NUP43: variants seen among roughly 807,000 people sequenced by gnomAD.
The protein encoded by NUP43 is nucleoporin Nup43.
Under a neutral mutation model 47.3 loss-of-function variants are expected in NUP43, and 32 were observed. The observed-to-expected ratio is 0.68, with a 90% confidence interval of 0.51 to 0.91. The LOEUF (loss-of-function observed/expected upper bound fraction) is 0.91, where lower values mean the gene tolerates loss of function less well. NUP43 is among the 40% of genes least tolerant of loss of function. NUP43 has a pLI of 0.00. For synonymous variants in NUP43, 147 were observed against 158.4 expected, an observed-to-expected ratio of 0.93 and a Z score of 0.54; for missense variants, 444 against 453.9, an observed-to-expected ratio of 0.98 and a Z score of 0.20.
At chr6:149,744,824 A>C (rs1785878456) in intron 2 of NUP43, among the ~76,000 whole-genome samples, 1 of 151,868 alleles carries the variant, frequency 6.6e-6, no homozygotes, top group African/African-American at 2.4e-5. Flanking sequence ...TGACAGTATA[A>C]GACTTCGTCT....
intron 7 of NUP43, 109 bp downstream of exon 7, chr6:149,731,504 A>C (rs1277032857): frequency 1.1e-6 from 1 of 930,298 alleles, no homozygotes; most frequent in South Asian, 1.8e-5. Context: ...CGGAGGTTGC[A>C]GTGAGCTGAG....
At chr6:149,739,400 C>A (rs946381781) in intron 4 of NUP43, among the ~76,000 whole-genome samples, 1 of 152,132 alleles carries the variant, frequency 6.6e-6, no homozygotes, top group African/African-American at 2.4e-5. Context: ...GATTCTCTTG[C>A]CTCGGCCTCT....
intron 2 of NUP43, among the ~76,000 whole-genome samples, chr6:149,745,227 C>T (rs915113426): frequency 4.6e-5 from 7 of 151,754 alleles, no homozygotes; most frequent in East Asian, 3.9e-4. Flanking sequence ...GGTGAAACCC[C>T]GTCTCTATTA....
intron 4 of NUP43, among the ~76,000 whole-genome samples, 175 bp downstream of exon 4, chr6:149,742,215 G>T (rs959010534): frequency 2.0e-5 from 3 of 152,082 alleles, no homozygotes; most frequent in Non-Finnish European, 4.4e-5. Context: ...TAGTAGAGAC[G>T]GTGTTTCTCC....
At chr6:149,736,877 TG>T (rs1400095576) in intron 5 of NUP43, among the ~76,000 whole-genome samples, 1 of 152,072 alleles carries the variant, frequency 6.6e-6, no homozygotes, top group East Asian at 1.9e-4. Flanking sequence ...TTTGTAGAGA[TG>T]GGGTTTCTCC....
rs961220946 is a variant in NUP43 at position 149,733,609 on chromosome 6, C to G, written c.791-1874G>C. On this transcript the variant is annotated intron_variant, in intron 6 of 7. Coordinates refer to ENST00000340413, the MANE Select transcript of NUP43 (RefSeq NM_198887.3). ...TACAGGTATGTATCACCATACCTGG[C>G]TAACTTTTGTATTTTTAACAGACAT... Among the ~76,000 whole-genome samples, 9 of 151,974 alleles carry G rather than the reference C, an allele frequency of 5.9e-5. 1 individual carries two copies. The highest frequency in any genetic ancestry group is 2.2e-4 in the African/African-American group (9 of 41,328).
chr6:149,744,865 CTAGA>C (rs1785882281), intron 2 of NUP43, among the ~76,000 whole-genome samples: 1 of 151,330 alleles, frequency 6.6e-6, no homozygotes, highest in African/African-American at 2.4e-5. Context: ...TTTCCTAGAG[CTAGA>C]TAGCTTTCTT....
rs1784810160 is a variant in NUP43, at chr6:149,726,856, ACTGATGTTTCCC to A, written c.*101_*112del. 1.3e-6 allele frequency: 1 copy of A among 757,108 alleles called. No homozygotes were observed. Among genetic ancestry groups the A allele is most frequent in the African/African-American group, 1.8e-5 (1 of 56,998 alleles). The allele number at this position is 757,108 out of a possible 1,614,324, so 46.9% of individuals were successfully genotyped here. The stretch of plus-strand genomic sequence containing the variant: ...TGGGCATTGACATTAATGGTAGTTT[ACTGATGTTTCCC>A]CTGCAAATCTCGTATTTTCTGATAC... On this transcript the variant is annotated 3_prime_UTR_variant, in exon 8 of 8. Transcript: ENST00000340413.
rs1785709907 is a variant in NUP43, at chr6:149,742,395, G to C, written c.497C>G (p.Thr166Ser). 1 of 1,613,774 alleles carries C rather than the reference G, an allele frequency of 6.2e-7. No individual in the cohort carries two copies. The highest frequency in any genetic ancestry group is 1.7e-5 in the Admixed American group (1 of 59,976). The part of the protein sequence containing the change: ...FRADHKEAVR[T>S]IDNADSSTLH... ...CAGGCTGGGATTTTTCTTACCTATG[G>C]TTCTTACAGCTTCCTTGTGATCAGC... The change falls in exon 4 of 8, where the codon ACC (threonine) becomes AGC (serine). Residue 166 changes from threonine (T) to serine (S), a missense_variant. By Grantham distance (58) the Thr-to-Ser change is moderately conservative. Coordinates refer to ENST00000340413, the MANE Select transcript of NUP43 (RefSeq NM_198887.3).
intron 7 of NUP43, chr6:149,728,013 T>A: frequency 2.0e-6 from 2 of 985,416 alleles, no homozygotes; most frequent in Non-Finnish European, 2.4e-6. Context: ...ACATTTAAAA[T>A]CTTGCTGATC....
chr6:149,731,578 A>AAAG, intron 7 of NUP43, 35 bp downstream of exon 7: 1 of 1,557,828 alleles, frequency 6.4e-7, no homozygotes, highest in East Asian at 2.3e-5. Flanking sequence ...AAAAAAAAAA[A>AAAG]AGTACACATA....
At chr6:149,742,218 G>A (rs143835480) in intron 4 of NUP43, among the ~76,000 whole-genome samples, 172 bp downstream of exon 4, 1 of 152,294 alleles carries the variant, frequency 6.6e-6, no homozygotes, top group Non-Finnish European at 1.5e-5. Context: ...TAGAGACGGT[G>A]TTTCTCCATG....
chr6:149,727,070 T>C lies in NUP43; in HGVS notation c.1042A>G (p.Ser348Gly). 6.2e-7 allele frequency: 1 copy of C among 1,614,140 alleles called. No individual in the cohort carries two copies. The highest frequency in any genetic ancestry group is 8.5e-7 in the Non-Finnish European group (1 of 1,180,002). Residue 348 changes from serine to glycine, a missense_variant, in exon 8 of 8, where the codon AGT (serine) becomes GGT (glycine). Physicochemically the swap from Ser to Gly is moderately conservative, Grantham distance 56. Transcript: ENST00000340413. ...AAAGTGTTCACAGACAGAGACCTAC[T>C]GGGAAGTAAGCTTGTGATTTCAATT... is the stretch of plus-strand genomic sequence containing the variant. The part of the protein sequence containing the change: ...DRIEITSLLP[S>G]RSLSVNTLDV...
At chr6:149,728,087 T>C (rs1389746922) in intron 7 of NUP43, 6 of 985,328 alleles carry the variant, frequency 6.1e-6, no homozygotes, top group African/African-American at 5.2e-5. Context: ...ACTTCATGTT[T>C]TTCTCTTTCC....
chr6:149,727,456 T>C (rs1218420884), intron 7 of NUP43: 1 of 984,548 alleles, frequency 1.0e-6, no homozygotes, highest in Non-Finnish European at 1.2e-6. Context: ...TTCAACTGAC[T>C]TTCTGTTCAT....
At chr6:149,744,653 T>G (rs2115160488) in intron 2 of NUP43, among the ~76,000 whole-genome samples, 1 of 151,436 alleles carries the variant, frequency 6.6e-6, no homozygotes, top group East Asian at 2.0e-4. Context: ...CTGGCCAACA[T>G]GGTGAAACTC....
chr6:149,731,799 C>T, intron 6 of NUP43, 64 bp from the exon 7 acceptor site: 7 of 1,560,512 alleles, frequency 4.5e-6, no homozygotes, highest in Admixed American at 1.7e-5. Context: ...ACATTAAACC[C>T]CCATCTCTAG....
chr6:149,729,736 C>T (rs1784941086), intron 7 of NUP43, among the ~76,000 whole-genome samples: 1 of 152,142 alleles, frequency 6.6e-6, no homozygotes, highest in Admixed American at 6.6e-5. Flanking sequence ...GATACATTAT[C>T]TATTTTTTTA....
At chr6:149,734,376 T>C (rs576464098) in intron 6 of NUP43, among the ~76,000 whole-genome samples, 1 of 151,418 alleles carries the variant, frequency 6.6e-6, no homozygotes, top group Non-Finnish European at 1.5e-5. Flanking sequence ...GGTGCGTGCC[T>C]GTAGCCTCAG....
Sources: gnomAD v4.1 joint callset for allele counts (sites outside exome capture counted in the v4.1 genomes callset) on GRCh38, gnomAD v4.1.1 for gene constraint, MANE v1.5 for transcripts, NCBI Gene and HGNC (gene_info 2026-07-23, HGNC 2026-07-21) for gene names.